Variants in KCNIP4 observed in about 807,000 individuals in gnomAD.
The protein encoded by KCNIP4 is Kv channel-interacting protein 4.
A neutral mutation model predicts 34.0 loss-of-function variants in KCNIP4; 12 were observed. That is an observed-to-expected ratio of 0.35 (90% CI 0.23 to 0.57). The LOEUF (loss-of-function observed/expected upper bound fraction) is 0.57, where lower values mean the gene tolerates loss of function less well. Ranked by LOEUF, KCNIP4 falls within the 20% of genes least tolerant of loss-of-function variation. The probability of loss-of-function intolerance (pLI) is 0.83; values close to 1 mark genes in which losing one functional copy is unlikely to be tolerated. For missense variants in KCNIP4, 238 were observed against 311.7 expected, an observed-to-expected ratio of 0.76 and a Z score of 1.78; for synonymous variants, 124 against 102.2, an observed-to-expected ratio of 1.21 and a Z score of -1.29.
At chr4:20,806,934 C>G (rs1715175486) in intron 3 of KCNIP4, among the ~76,000 whole-genome samples, 1 of 152,074 alleles carries the variant, frequency 6.6e-6, no homozygotes, top group African/African-American at 2.4e-5. Flanking sequence ...CAATTGATAT[C>G]CAACTAGTAA....
intron 1 of KCNIP4, among the ~76,000 whole-genome samples, chr4:21,236,481 A>AT (rs1759367440): frequency 6.6e-6 from 1 of 152,072 alleles, no homozygotes; most frequent in South Asian, 2.1e-4. Flanking sequence ...GACTCCACTG[A>AT]TTTTTCCCCC....
intron 1 of KCNIP4, among the ~76,000 whole-genome samples, chr4:21,559,783 T>C (rs1739369787): frequency 6.6e-6 from 1 of 152,142 alleles, no homozygotes; most frequent in African/African-American, 2.4e-5. Context: ...GGTTCCATGA[T>C]ATTTTAGGGG....
At chr4:21,463,688 T>C (rs1729671563) in intron 1 of KCNIP4, among the ~76,000 whole-genome samples, 1 of 152,084 alleles carries the variant, frequency 6.6e-6, no homozygotes, top group Non-Finnish European at 1.5e-5. Context: ...GTGCTGTTTT[T>C]ACCTGGTTTT....
chr4:21,259,125 C>A (rs1014323210), intron 1 of KCNIP4, among the ~76,000 whole-genome samples: 4 of 152,106 alleles, frequency 2.6e-5, no homozygotes, highest in South Asian at 2.1e-4. Context: ...TGATTTGAAT[C>A]CAGGACTGTC....
chr4:21,200,518 C>T (rs1051480061), intron 1 of KCNIP4, among the ~76,000 whole-genome samples: 6 of 151,426 alleles, frequency 4.0e-5, no homozygotes, highest in Non-Finnish European at 8.8e-5. Context: ...GTCTATAATC[C>T]TAAGTGAAAT....
At chr4:21,386,186 T>C (rs1212412419) in intron 1 of KCNIP4, among the ~76,000 whole-genome samples, 1 of 152,210 alleles carries the variant, frequency 6.6e-6, no homozygotes, top group African/African-American at 2.4e-5. Context: ...ATCCTTGCTC[T>C]TTCTTAAGGC....
At chr4:21,519,500 G>A (rs201086872) in intron 1 of KCNIP4, among the ~76,000 whole-genome samples, 3,201 of 31,892 alleles carry the variant, frequency 0.1, 860 homozygotes, top group African/African-American at 0.17. Flanking sequence ...ATGTGTGTAT[G>A]TGTATGTGTA....
At chr4:21,812,764 T>C (rs1721737667) in intron 1 of KCNIP4, among the ~76,000 whole-genome samples, 1 of 152,090 alleles carries the variant, frequency 6.6e-6, no homozygotes, top group Non-Finnish European at 1.5e-5. Flanking sequence ...TCTTACATAA[T>C]GCTAAGAAAT....
intron 1 of KCNIP4, among the ~76,000 whole-genome samples, chr4:21,377,776 C>T (rs1577262315): frequency 6.6e-6 from 1 of 152,312 alleles, no homozygotes; most frequent in East Asian, 1.9e-4. Flanking sequence ...ATTCCCCTTA[C>T]AACATATTAT....
chr4:21,417,646 A>G (rs950034811), intron 1 of KCNIP4, among the ~76,000 whole-genome samples: 1 of 152,120 alleles, frequency 6.6e-6, no homozygotes, highest in Non-Finnish European at 1.5e-5. Context: ...TTTGTTACTC[A>G]AGGGAGAGAA....
At chr4:20,794,729 C>T (rs1299038633) in intron 3 of KCNIP4, among the ~76,000 whole-genome samples, 2 of 152,102 alleles carry the variant, frequency 1.3e-5, no homozygotes, top group African/African-American at 4.8e-5. Context: ...ATTTGCCTAA[C>T]AAAAAATTGT....
At chr4:21,335,834 A>G (rs903443761) in intron 1 of KCNIP4, among the ~76,000 whole-genome samples, 2 of 152,172 alleles carry the variant, frequency 1.3e-5, no homozygotes, top group African/African-American at 2.4e-5. Context: ...TTTAGCTTGT[A>G]GAAAGAAGTA....
chr4:21,785,917 T>A (rs1201842591), intron 1 of KCNIP4, among the ~76,000 whole-genome samples: 1 of 152,154 alleles, frequency 6.6e-6, no homozygotes, highest in East Asian at 1.9e-4. Flanking sequence ...TGACCATTCA[T>A]GTACAGGTTT....
At chr4:20,822,081 A>G (rs1163668192) in intron 3 of KCNIP4, among the ~76,000 whole-genome samples, 1 of 152,166 alleles carries the variant, frequency 6.6e-6, no homozygotes, top group East Asian at 1.9e-4. Context: ...TCATTAAACT[A>G]AAAAGCTTCT....
At chr4:20,988,493 T>A (rs570953904) in intron 1 of KCNIP4, among the ~76,000 whole-genome samples, 2 of 152,348 alleles carry the variant, frequency 1.3e-5, no homozygotes, top group East Asian at 3.9e-4. Flanking sequence ...AGCTTCAGTT[T>A]GAAATTTCAC....
chr4:21,896,950 A>AATAC (rs2109413226), intron 1 of KCNIP4, among the ~76,000 whole-genome samples: 1 of 70,524 alleles, frequency 1.4e-5, no homozygotes, highest in African/African-American at 7.4e-5. Flanking sequence ...TAAATAAATA[A>AATAC]ATAAATAAAT....
At chr4:21,137,165 G>A (rs910007200) in intron 1 of KCNIP4, among the ~76,000 whole-genome samples, 2 of 152,156 alleles carry the variant, frequency 1.3e-5, no homozygotes, top group Non-Finnish European at 2.9e-5. Flanking sequence ...AGATTTCAAG[G>A]CCAGAAAGAC....
chr4:21,882,615 C>A (rs187432256), intron 1 of KCNIP4, among the ~76,000 whole-genome samples: 12 of 152,172 alleles, frequency 7.9e-5, no homozygotes, highest in Non-Finnish European at 1.5e-4. Flanking sequence ...GGAGACCAGA[C>A]AGAATCAAAA....
At chr4:21,267,465 G>A (rs1002531829) in intron 1 of KCNIP4, among the ~76,000 whole-genome samples, 3 of 151,646 alleles carry the variant, frequency 2.0e-5, no homozygotes, top group Admixed American at 6.6e-5. Flanking sequence ...TGCCCATTCA[G>A]TATGATATTG....
Sources: allele counts gnomAD v4.1 joint callset (sites outside exome capture counted in the v4.1 genomes callset), GRCh38; gene constraint gnomAD v4.1.1; transcripts MANE v1.5; gene names NCBI Gene and HGNC (gene_info 2026-07-23, HGNC 2026-07-21).